The following CACNB4 variants were observed in gnomAD, a reference collection of about 807,000 sequenced individuals.
The protein encoded by CACNB4 is calcium voltage-gated channel auxiliary subunit beta 4, also known as voltage-dependent L-type calcium channel subunit beta-4.
CACNB4 carries 32 observed loss-of-function variants against 71.2 expected under a neutral mutation model. The ratio of observed to expected loss-of-function variants is 0.45; its 90% confidence interval spans 0.34 to 0.60. The LOEUF is 0.60. CACNB4 is among the 20% of genes least tolerant of loss of function. The pLI, the probability that CACNB4 is intolerant of heterozygous loss-of-function variation, is 0.01. For synonymous variants in CACNB4, 231 were observed against 236.9 expected (o/e 0.97, Z 0.23); for missense variants, 464 against 647.9 (o/e 0.72, Z 3.08).
chr2:151,963,808 CTG>C (rs1424663191), intron 2 of CACNB4, among the ~76,000 whole-genome samples: 1 of 152,092 alleles, frequency 6.6e-6, no homozygotes, highest in Non-Finnish European at 1.5e-5. Context: ...TGGTTTACGC[CTG>C]TAATCCCAGC....
chr2:151,879,646 G>A (rs963398351), intron 4 of CACNB4: 4 of 152,166 alleles, frequency 2.6e-5, no homozygotes, highest in African/African-American at 9.7e-5. Context: ...TCCCTAAAAT[G>A]ATTAGCACTT....
intron 9 of CACNB4, among the ~76,000 whole-genome samples, chr2:151,863,765 C>G (rs2099842365): frequency 6.6e-6 from 1 of 152,024 alleles, no homozygotes; most frequent in Non-Finnish European, 1.5e-5. Context: ...TGTTCCAATA[C>G]AGGGAAAGAT....
Position 151,855,229 on chromosome 2 carries a change from G to C in CACNB4, c.1015C>G (p.Pro339Ala). 1 of 1,531,688 alleles carries C rather than the reference G, an allele frequency of 6.5e-7. No individual in the cohort carries two copies. Among genetic ancestry groups the C allele is most frequent in the South Asian group, 1.3e-5 (1 of 79,478 alleles). The allele number at this position is 1,531,688 out of a possible 1,614,324, so 94.9% of individuals were successfully genotyped here. A position where few individuals can be genotyped will look rare whatever the true frequency, so the allele number is the denominator to read the frequency against. The change falls in exon 11 of 14, where the codon CCA becomes GCA. Residue 339 changes from proline (P) to alanine (A), a missense_variant. Coordinates refer to ENST00000539935, the MANE Select transcript of CACNB4 (RefSeq NM_000726.5). ...GGCAGAAAGGAGCTAATTACCTTTGGAGATGAGACTTTTACATGAACAATA... is the reference window on the plus strand; with the variant it reads ...GGCAGAAAGGAGCTAATTACCTTTGCAGATGAGACTTTTACATGAACAATA... ...PIIVHVKVSS[P>A]KVLQRLIKSR...
intron 2 of CACNB4, among the ~76,000 whole-genome samples, chr2:152,039,784 C>T (rs1280472896): frequency 2.6e-5 from 4 of 152,210 alleles, no homozygotes; most frequent in Non-Finnish European, 4.4e-5. Flanking sequence ...GGGAAAACTA[C>T]GTAAGTCCTC....
At chr2:152,095,089 T>A (rs1372125689) in intron 2 of CACNB4, among the ~76,000 whole-genome samples, 1 of 152,206 alleles carries the variant, frequency 6.6e-6, no homozygotes, top group Non-Finnish European at 1.5e-5. Flanking sequence ...CTTCATCTTC[T>A]CACCTTTCCT....
At chr2:151,900,807 C>T (rs1440489897) in intron 2 of CACNB4, among the ~76,000 whole-genome samples, 1 of 151,886 alleles carries the variant, frequency 6.6e-6, no homozygotes, top group African/African-American at 2.4e-5. Flanking sequence ...GAAACCTATT[C>T]CAAAAAGGTC....
intron 2 of CACNB4, among the ~76,000 whole-genome samples, chr2:151,918,442 TA>T (rs1314180107): frequency 2.6e-5 from 4 of 152,198 alleles, no homozygotes; most frequent in Non-Finnish European, 5.9e-5. Flanking sequence ...CCTCTTTTGC[TA>T]GCTTAGCAGA....
At chr2:151,979,571 T>C (rs1293591642) in intron 2 of CACNB4, among the ~76,000 whole-genome samples, 1 of 152,178 alleles carries the variant, frequency 6.6e-6, no homozygotes, top group African/African-American at 2.4e-5. Context: ...ATCTAGGAGA[T>C]TAGTTCAGCT....
At chr2:151,869,325 C>A (rs930346525) in intron 8 of CACNB4, 90 bp from the exon 9 acceptor site, 3 of 768,326 alleles carry the variant, frequency 3.9e-6, no homozygotes, top group Non-Finnish European at 6.7e-6. Context: ...GGGAAGGGTA[C>A]TATGAGCCAA....
intron 2 of CACNB4, among the ~76,000 whole-genome samples, chr2:152,062,191 GT>G (rs1177151658): frequency 1.3e-5 from 2 of 151,582 alleles, no homozygotes; most frequent in Non-Finnish European, 2.9e-5. Context: ...CATTAATTCA[GT>G]GAATAAACAC....
At chr2:152,002,144 G>A (rs761354195) in intron 2 of CACNB4, among the ~76,000 whole-genome samples, 42 of 152,188 alleles carry the variant, frequency 2.8e-4, no homozygotes, top group Non-Finnish European at 5.4e-4. Flanking sequence ...GCAAGTCCCA[G>A]GAGATTTTAA....
At chr2:152,060,714 G>A (rs1275479020) in intron 2 of CACNB4, among the ~76,000 whole-genome samples, 1 of 151,392 alleles carries the variant, frequency 6.6e-6, no homozygotes, top group Admixed American at 6.6e-5. Context: ...CCAGCAACAG[G>A]GGCAAGTTAA....
chr2:151,934,323 G>A (rs2099862382), intron 2 of CACNB4, among the ~76,000 whole-genome samples: 1 of 152,186 alleles, frequency 6.6e-6, no homozygotes, highest in Admixed American at 6.5e-5. Flanking sequence ...TTCAGGGGAG[G>A]CTATGCCTAC....
chr2:152,031,356 G>T (rs988223577), intron 2 of CACNB4, among the ~76,000 whole-genome samples: 1 of 152,188 alleles, frequency 6.6e-6, no homozygotes, highest in Admixed American at 6.5e-5. Flanking sequence ...TTAAATTGCA[G>T]TTACGTGTTA....
chr2:152,041,820 T>C (rs1228265825), intron 2 of CACNB4, among the ~76,000 whole-genome samples: 1 of 152,230 alleles, frequency 6.6e-6, no homozygotes, highest in African/African-American at 2.4e-5. Flanking sequence ...CTAGCACTAT[T>C]GCAAGTAACA....
intron 2 of CACNB4, among the ~76,000 whole-genome samples, chr2:152,024,857 A>T (rs1683878165): frequency 6.6e-6 from 1 of 152,164 alleles, no homozygotes; most frequent in Non-Finnish European, 1.5e-5. Context: ...GGAGTTCAAG[A>T]CCAGCCTGGC....
chr2:151,973,747 G>T, intron 2 of CACNB4: 1 of 1,607,958 alleles, frequency 6.2e-7, no homozygotes, highest in Non-Finnish European at 8.5e-7. Flanking sequence ...CTCTTTCAAG[G>T]CAAAAACAAA....
intron 9 of CACNB4, chr2:151,867,605 C>G (rs2099843492): frequency 6.6e-6 from 1 of 152,134 alleles, no homozygotes; most frequent in South Asian, 2.1e-4. Flanking sequence ...ACAAATACAT[C>G]TTTCTTATTA....
At chr2:152,093,425 G>GTGTA (rs1688091331) in intron 2 of CACNB4, among the ~76,000 whole-genome samples, 1 of 151,880 alleles carries the variant, frequency 6.6e-6, no homozygotes, top group Admixed American at 6.6e-5. Context: ...GTGTGTGTGT[G>GTGTA]TGTGTATTTT....
Sources: allele counts gnomAD v4.1 joint callset (sites outside exome capture counted in the v4.1 genomes callset), GRCh38; gene constraint gnomAD v4.1.1; transcripts MANE v1.5; gene names NCBI Gene and HGNC (gene_info 2026-07-23, HGNC 2026-07-21).